Variants in ZBTB41 observed in about 807,000 individuals in gnomAD.
The protein encoded by ZBTB41 is zinc finger and BTB domain containing 41, also known as zinc finger and BTB domain-containing protein 41.
Under a neutral mutation model 87.6 loss-of-function variants are expected in ZBTB41, and 42 were observed. That is an observed-to-expected ratio of 0.48 (90% confidence interval 0.37 to 0.62). ZBTB41 has a LOEUF of 0.62. Among genes scored for constraint, ZBTB41 ranks in the 20% least tolerant of loss-of-function variants. The pLI is 0.00. For missense variants in ZBTB41, 799 were observed against 1,078.9 expected (o/e 0.74, Z 3.63); for synonymous variants, 364 against 364.0 (o/e 1.00, Z 0.00).
chr1:197,167,076 G>A (rs1220186253), intron 10 of ZBTB41, among the ~76,000 whole-genome samples: 1 of 152,100 alleles, frequency 6.6e-6, no homozygotes, highest in Non-Finnish European at 1.5e-5. Context: ...AAAAGATATA[G>A]GCAATATGTC....
At chr1:197,168,318 C>T (rs72738644) in intron 10 of ZBTB41, among the ~76,000 whole-genome samples, 12,110 of 152,010 alleles carry the variant, frequency 0.08, 637 homozygotes, top group Non-Finnish European at 0.13. Flanking sequence ...GTTAAGGAAA[C>T]GTTGACCACA....
In ZBTB41 at chr1:197,156,176, T is replaced by A. The variant is rs1358309853; in HGVS notation, c.*3183A>T. 1 of 151,768 alleles carries A rather than the reference T, an allele frequency of 6.6e-6. No individual in the cohort carries two copies. The allele number at this position is 151,768 out of a possible 1,614,324, so 9.4% of individuals were successfully genotyped here. On this transcript the variant is annotated 3_prime_UTR_variant, in exon 11 of 11. Coordinates refer to ENST00000367405, the MANE Select transcript of ZBTB41 (RefSeq NM_194314.3). ...CCTATTTTTATACATATAAACACAA[T>A]AATCAATCTCAGTATTCAAACTAAC...
intron 2 of ZBTB41, among the ~76,000 whole-genome samples, chr1:197,197,442 A>C (rs1660194183): frequency 6.6e-6 from 1 of 151,966 alleles, no homozygotes; most frequent in African/African-American, 2.4e-5. Flanking sequence ...ATAATGTAAA[A>C]TACATTCAGA....
At chr1:197,197,961 A>G (rs1465311738) in intron 2 of ZBTB41, among the ~76,000 whole-genome samples, 1 of 152,176 alleles carries the variant, frequency 6.6e-6, no homozygotes, top group African/African-American at 2.4e-5. Context: ...CTCATCTCCA[A>G]GTCAAATTAA....
chr1:197,160,611 CCCT>C (rs1341204409), intron 10 of ZBTB41, among the ~76,000 whole-genome samples: 1 of 152,056 alleles, frequency 6.6e-6, no homozygotes, highest in Non-Finnish European at 1.5e-5. Flanking sequence ...TTTTAGATCC[CCCT>C]GAGTCAGGTT....
chr1:197,196,027 T>C (rs904536565), intron 2 of ZBTB41, among the ~76,000 whole-genome samples: 11 of 152,104 alleles, frequency 7.2e-5, no homozygotes, highest in African/African-American at 2.7e-4. Flanking sequence ...AAGCCCAAAG[T>C]CAAGCCAGAT....
chr1:197,166,858 C>T (rs192853436), intron 10 of ZBTB41, among the ~76,000 whole-genome samples: 1 of 151,988 alleles, frequency 6.6e-6, no homozygotes, highest in Non-Finnish European at 1.5e-5. Flanking sequence ...AAAACAACAA[C>T]AACAACAAAA....
intron 2 of ZBTB41, among the ~76,000 whole-genome samples, chr1:197,193,150 G>T (rs1660075842): frequency 6.6e-6 from 1 of 152,116 alleles, no homozygotes; most frequent in African/African-American, 2.4e-5. Context: ...TTTTAATCAA[G>T]CTAATAATTT....
intron 2 of ZBTB41, among the ~76,000 whole-genome samples, chr1:197,197,807 C>T (rs1660206773): frequency 6.6e-6 from 1 of 152,044 alleles, no homozygotes; most frequent in African/African-American, 2.4e-5. Context: ...CAGTTAAAAC[C>T]GATTGTGAAT....
chr1:197,174,420 T>C (rs1408739750), intron 9 of ZBTB41, among the ~76,000 whole-genome samples: 7 of 152,098 alleles, frequency 4.6e-5, no homozygotes, highest in African/African-American at 1.2e-4. Context: ...GTTAATCCTA[T>C]GTACATTTTG....
In ZBTB41 at chr1:197,161,633, A is replaced by G. The variant is rs115405001; in HGVS notation, c.2075-1619T>C. 6.3e-3 allele frequency among the ~76,000 whole-genome samples: 961 copies of G among 152,208 alleles called. 12 individuals carry two copies. Among genetic ancestry groups the G allele is most frequent in the African/African-American group, 0.022 (923 of 41,544 alleles). ...ACATGAATACATTATATAGATAATT[A>G]ACTTTTCAGAAAAAGTATTTTTAAC... On this transcript the variant is annotated intron_variant, in intron 10 of 10. Coordinates refer to ENST00000367405, the MANE Select transcript of ZBTB41 (RefSeq NM_194314.3).
At position 197,159,438 on chromosome 1, in the gene ZBTB41, T is replaced by G. The variant is rs1659146026; in HGVS notation, c.2651A>C (p.Gln884Pro). 1 of 1,613,824 alleles carries G rather than the reference T, an allele frequency of 6.2e-7. No homozygotes were observed. The change falls in exon 11 of 11, where the codon CAA becomes CCA. Residue 884 changes from glutamine to proline, a missense_variant. Coordinates refer to ENST00000367405, the MANE Select transcript of ZBTB41 (RefSeq NM_194314.3). ...GCCCAGTAATGTTCCAAGATAAGATTGTTCTCTAGGATCTAGCATTTGTTC... is the reference window on the plus strand; with the variant it reads ...GCCCAGTAATGTTCCAAGATAAGATGGTTCTCTAGGATCTAGCATTTGTTC... ...RPEQMLDPRE[Q>P]SYLGTLLGLD... is the part of the protein sequence containing the mutation.
At chr1:197,190,738 T>C (rs754674783) in intron 4 of ZBTB41, 24 bp downstream of exon 4, 2 of 1,499,900 alleles carry the variant, frequency 1.3e-6, no homozygotes, top group Non-Finnish European at 1.8e-6. Context: ...GGTTTTCTAA[T>C]TTGTTTTAAT....
At chr1:197,194,399 T>C (rs918559787) in intron 2 of ZBTB41, among the ~76,000 whole-genome samples, 1 of 152,158 alleles carries the variant, frequency 6.6e-6, no homozygotes, top group African/African-American at 2.4e-5. Context: ...ATTTACTTGC[T>C]ATGAAAATGT....
At chr1:197,190,738 T>A (rs754674783) in intron 4 of ZBTB41, 24 bp downstream of exon 4, 2 of 1,499,900 alleles carry the variant, frequency 1.3e-6, no homozygotes, top group Non-Finnish European at 1.8e-6. Flanking sequence ...GGTTTTCTAA[T>A]TTGTTTTAAT....
rs1253710239 is a variant in ZBTB41 at position 197,191,772 on chromosome 1, TTC to T, written c.1246_1247del (p.Glu416IlefsTer3). 6.2e-7 allele frequency: 1 copy of T among 1,613,774 alleles called. No homozygotes were observed. The highest frequency in any genetic ancestry group is 8.5e-7 in the Non-Finnish European group (1 of 1,179,900). On this transcript the variant is annotated frameshift_variant, in exon 3 of 11. Coordinates refer to ENST00000367405, the MANE Select transcript of ZBTB41 (RefSeq NM_194314.3). LOFTEE classifies it high-confidence loss of function. ...VHRKKHSNET[E>X]FHKKEHKCPY... ...GGCACTTGTGCTCCTTCTTATGAAA[TTC>T]TGTTTCATTACTGTGCTTCTTTCTG... is the stretch of plus-strand genomic sequence containing the variant.
Position 197,159,733 on chromosome 1 carries a change from C to T in ZBTB41, c.2356G>A (p.Asp786Asn). The part of the protein sequence containing the change: ...IFQTETKQYM[D>N]QPKVYQSEAK... ...TCCGACTGATAAACTTTGGGCTGGT[C>T]CATATATTGTTTTGTTTCTGTTTGA... The change falls in exon 11 of 11, where the codon GAC becomes AAC. Residue 786 changes from aspartate (D) to asparagine (N), a missense_variant. Transcript: ENST00000367405. 1 of 1,613,898 alleles carries T rather than the reference C, an allele frequency of 6.2e-7. No individual in the cohort carries two copies. Among genetic ancestry groups the T allele is most frequent in the Non-Finnish European group, 8.5e-7 (1 of 1,179,916 alleles).
At chr1:197,182,085 C>T (rs1029981203) in intron 5 of ZBTB41, among the ~76,000 whole-genome samples, 5 of 151,524 alleles carry the variant, frequency 3.3e-5, no homozygotes, top group African/African-American at 9.7e-5. Flanking sequence ...CAAAAAAAGG[C>T]TCTAAGAAAT....
intron 10 of ZBTB41, among the ~76,000 whole-genome samples, chr1:197,165,466 CG>C (rs1199051256): frequency 6.6e-6 from 1 of 151,650 alleles, no homozygotes; most frequent in East Asian, 1.9e-4. Flanking sequence ...AAAAATTAGC[CG>C]GGCATGGTGG....
Sources: gnomAD v4.1 joint callset for allele counts (sites outside exome capture counted in the v4.1 genomes callset) on GRCh38, gnomAD v4.1.1 for gene constraint, MANE v1.5 for transcripts, NCBI Gene and HGNC (gene_info 2026-07-23, HGNC 2026-07-21) for gene names.